ERBB4: variants seen among roughly 807,000 people sequenced by gnomAD.
ERBB4 encodes the protein receptor tyrosine-protein kinase erbB-4.
ERBB4 carries 42 observed loss-of-function variants against 158.0 expected under a neutral mutation model. That is an observed-to-expected ratio of 0.27 (90% CI 0.21 to 0.34). ERBB4 has a LOEUF of 0.34. Among genes scored for constraint, ERBB4 ranks in the 10% least tolerant of loss-of-function variants. ERBB4 has a pLI of 1.00. For synonymous variants in ERBB4, 583 were observed against 558.7 expected (o/e 1.04, Z -0.61); for missense variants, 1,333 against 1,624.1 (o/e 0.82, Z 3.08).
intron 5 of ERBB4, among the ~76,000 whole-genome samples, chr2:211,726,712 T>G (rs2074280043): frequency 6.6e-6 from 1 of 152,192 alleles, no homozygotes; most frequent in Non-Finnish European, 1.5e-5. Context: ...ATCCCATCTT[T>G]TCCTTCCAGT....
chr2:211,973,508 TA>T (rs1425290278), intron 2 of ERBB4, among the ~76,000 whole-genome samples: 1 of 151,996 alleles, frequency 6.6e-6, no homozygotes, highest in East Asian at 1.9e-4. Context: ...GCCGGGAAAT[TA>T]AAAACTAAAA....
At chr2:211,422,489 A>C (rs868431627) in intron 23 of ERBB4, among the ~76,000 whole-genome samples, 1,320 of 59,670 alleles carry the variant, frequency 0.022, 9 homozygotes, top group African/African-American at 0.087. Flanking sequence ...CCTGGTGGAC[A>C]AAAAAAAAAA....
intron 20 of ERBB4, among the ~76,000 whole-genome samples, chr2:211,483,570 G>C (rs1433518527): frequency 6.9e-6 from 1 of 144,252 alleles, no homozygotes; most frequent in African/African-American, 2.5e-5. Flanking sequence ...TGTTTTTTTT[G>C]AGACAGAGTC....
chr2:211,887,976 T>C (rs986625908), intron 3 of ERBB4, among the ~76,000 whole-genome samples: 1 of 152,238 alleles, frequency 6.6e-6, no homozygotes, highest in Non-Finnish European at 1.5e-5. Flanking sequence ...AATTAGGCTC[T>C]CATTAACATT....
intron 1 of ERBB4, among the ~76,000 whole-genome samples, chr2:212,454,207 G>T (rs1688159081): frequency 2.0e-5 from 3 of 152,084 alleles, no homozygotes; most frequent in Admixed American, 2.0e-4. Flanking sequence ...CCAAAGTGTT[G>T]GAATTACAGG....
intron 3 of ERBB4, among the ~76,000 whole-genome samples, chr2:211,813,701 T>C (rs1350757090): frequency 6.6e-6 from 1 of 152,156 alleles, no homozygotes; most frequent in African/African-American, 2.4e-5. Context: ...TTAACTGACT[T>C]ACTTCAAGAA....
At chr2:212,454,569 A>G (rs1244660805) in intron 1 of ERBB4, among the ~76,000 whole-genome samples, 1 of 152,226 alleles carries the variant, frequency 6.6e-6, no homozygotes, top group African/African-American at 2.4e-5. Flanking sequence ...TTATTTCTGC[A>G]ATAAATAATA....
chr2:211,825,827 G>C (rs964875652), intron 3 of ERBB4, among the ~76,000 whole-genome samples: 4 of 146,504 alleles, frequency 2.7e-5, no homozygotes, highest in African/African-American at 9.9e-5. Context: ...GTTATATAAT[G>C]TATTAATATA....
At chr2:211,420,700 AC>A in intron 24 of ERBB4, 89 bp from the exon 25 acceptor site, 1 of 1,174,922 alleles carries the variant, frequency 8.5e-7, no homozygotes, top group Non-Finnish European at 1.2e-6. Flanking sequence ...TAATATCATA[AC>A]AAATGGTTGA....
At chr2:212,279,088 T>C (rs1265650064) in intron 1 of ERBB4, among the ~76,000 whole-genome samples, 1 of 151,634 alleles carries the variant, frequency 6.6e-6, no homozygotes, top group Non-Finnish European at 1.5e-5. Context: ...GTATTTTTAA[T>C]GCAACATAAT....
At chr2:211,414,106 ACCCTT>A (rs898105137) in intron 25 of ERBB4, among the ~76,000 whole-genome samples, 6 of 151,936 alleles carry the variant, frequency 3.9e-5, no homozygotes, top group Non-Finnish European at 8.8e-5. Flanking sequence ...CTCTCTGGGG[ACCCTT>A]CCCTATCTGC....
Position 211,939,963 on chromosome 2 carries a change from A to C in ERBB4, c.421+7467T>G, listed in dbSNP as rs1013324267. On this transcript the variant is annotated intron_variant, in intron 3 of 27. Transcript: ENST00000342788. ...CTCCGTCTCAAAAAAAAAGGAAAAA[A>C]AAAATATATATATATATGTATATAG... Among the ~76,000 whole-genome samples the C allele has an allele frequency of 2.0e-5, 3 of 147,134 alleles. No individual in the cohort carries two copies. In the East Asian group the frequency reaches 5.9e-4, roughly 29 times the overall value.
At chr2:211,923,626 G>A (rs115199185) in intron 3 of ERBB4, among the ~76,000 whole-genome samples, 163 of 152,260 alleles carry the variant, frequency 1.1e-3, no homozygotes, top group Non-Finnish European at 2.0e-3. Context: ...GGTTCAACTG[G>A]AGGATAAGAA....
chr2:212,527,775 A>G (rs1361049168), intron 1 of ERBB4, among the ~76,000 whole-genome samples: 1 of 151,580 alleles, frequency 6.6e-6, no homozygotes, highest in Non-Finnish European at 1.5e-5. Context: ...ACATATGTAT[A>G]CATGTGCCAT....
chr2:211,397,376 A>G lies in ERBB4; in HGVS notation c.3136-9384T>C, dbSNP rs575021650. Among the ~76,000 whole-genome samples the G allele has an allele frequency of 1.5e-4, 23 of 152,338 alleles. No homozygotes were observed. In the South Asian group the frequency reaches 2.9e-3, roughly 19 times the overall value. ...ACCCAGATTAGCCAGAATCATGGCC[A>G]TAATAATTTTCTTTTAATTTCTAAA... On this transcript the variant is annotated intron_variant, in intron 25 of 27. Coordinates refer to ENST00000342788, the MANE Select transcript of ERBB4 (RefSeq NM_005235.3).
Position 212,457,723 on chromosome 2 carries a change from G to C in ERBB4, c.82+80726C>G, listed in dbSNP as rs1463563107. 2.0e-5 allele frequency among the ~76,000 whole-genome samples: 3 copies of C among 151,994 alleles called. No homozygotes were observed. The East Asian group carries it at 5.8e-4, about 29-fold the overall frequency. Reference sequence around the variant, plus strand: ...TCTCTTTGGCTAGAACCATTTGAAAGGATGATTGAGATAACTTCCTGGTAA... The same window carrying C: ...TCTCTTTGGCTAGAACCATTTGAAACGATGATTGAGATAACTTCCTGGTAA... On this transcript the variant is annotated intron_variant, in intron 1 of 27. Transcript: ENST00000342788.
intron 20 of ERBB4, among the ~76,000 whole-genome samples, chr2:211,535,924 T>G (rs1331755014): frequency 6.6e-6 from 1 of 152,056 alleles, no homozygotes; most frequent in Non-Finnish European, 1.5e-5. Context: ...TAAACAGCAT[T>G]TATGGATATT....
At chr2:211,591,263 C>A (rs1367386141) in intron 19 of ERBB4, among the ~76,000 whole-genome samples, 2 of 152,198 alleles carry the variant, frequency 1.3e-5, no homozygotes, top group Non-Finnish European at 2.9e-5. Context: ...ACATTACAAA[C>A]ATCCATTTAT....
At chr2:211,738,361 GTTTTTTTTT>G (rs10535592) in intron 5 of ERBB4, among the ~76,000 whole-genome samples, 1 of 135,340 alleles carries the variant, frequency 7.4e-6, no homozygotes, top group Non-Finnish European at 1.6e-5. Flanking sequence ...CTTTGTTTTT[GTTTTTTTTT>G]TTTTTTTTTT....
Sources: gnomAD v4.1 joint callset for allele counts (sites outside exome capture counted in the v4.1 genomes callset) on GRCh38, gnomAD v4.1.1 for gene constraint, MANE v1.5 for transcripts, NCBI Gene and HGNC (gene_info 2026-07-23, HGNC 2026-07-21) for gene names.